Variants in DBF4 observed in about 807,000 individuals in gnomAD.
The protein encoded by DBF4 is protein DBF4 homolog A.
In DBF4, 25 loss-of-function variants were observed where a neutral mutation model predicts 76.6. The ratio of observed to expected loss-of-function variants is 0.33; its 90% CI spans 0.24 to 0.46. The LOEUF (loss-of-function observed/expected upper bound fraction) is 0.46, where lower values mean the gene tolerates loss of function less well. Among genes scored for constraint, DBF4 ranks in the 20% least tolerant of loss-of-function variants. DBF4 has a pLI of 1.00. For synonymous variants in DBF4, 213 were observed against 258.0 expected (o/e 0.83, Z 1.67); for missense variants, 638 against 760.8 (o/e 0.84, Z 1.90).
intron 7 of DBF4, 46 bp downstream of exon 7, chr7:87,896,556 A>T: frequency 6.5e-7 from 1 of 1,545,736 alleles, no homozygotes; most frequent in Non-Finnish European, 8.9e-7. Flanking sequence ...GCATTTGAAA[A>T]ATCATAAAAG....
chr7:87,877,459 C>T (rs985809949), intron 1 of DBF4, among the ~76,000 whole-genome samples: 8 of 152,154 alleles, frequency 5.3e-5, no homozygotes, highest in African/African-American at 1.9e-4. Context: ...AAAGCAGTTG[C>T]TTGGATCTCA....
chr7:87,876,629 A>G lies in DBF4; in HGVS notation c.-104A>G. ...CGTAGAGGCCGTAGCTGGCGGAAGG[A>G]GAGAGGCGGCCGTCCTGTCAACAGG... On this transcript the variant is annotated 5_prime_UTR_variant, in exon 1 of 12. Transcript: ENST00000265728. The G allele has an allele frequency of 7.7e-7, 1 of 1,300,366 alleles. No individual in the cohort carries two copies. The highest frequency in any genetic ancestry group is 1.1e-6 in the Non-Finnish European group (1 of 915,942). 80.6% of individuals were successfully genotyped at this position (1,300,366 alleles called of 1,614,324 possible).
chr7:87,902,768 G>T (rs917208465), intron 10 of DBF4, among the ~76,000 whole-genome samples: 1 of 152,030 alleles, frequency 6.6e-6, no homozygotes, highest in African/African-American at 2.4e-5. Context: ...TTATTACTGG[G>T]CATATATAAT....
rs1839403220 is a variant in DBF4, at chr7:87,888,057, G to A, written c.595G>A (p.Gly199Arg). ...GAAATCAAGTACTTCAGTAAGAGAT[G>A]GGGTATGTTTTCTTTTTCAATTTTT... ...LKKSSTSVRD[G>R]GKRVGSGAQK... Residue 199 changes from glycine (G) to arginine (R), a missense_variant and splice_region_variant, in exon 6 of 12, where the codon GGG (glycine) becomes AGG (arginine). By Grantham distance (125) the Gly-to-Arg change is moderately radical (BLOSUM62 -2). Transcript: ENST00000265728. 6.4e-7 allele frequency: 1 copy of A among 1,550,582 alleles called. No homozygotes were observed. The highest frequency in any genetic ancestry group is 8.7e-7 in the Non-Finnish European group (1 of 1,154,366).
intron 6 of DBF4, among the ~76,000 whole-genome samples, chr7:87,895,239 T>C (rs999057239): frequency 6.6e-6 from 1 of 152,198 alleles, no homozygotes; most frequent in Non-Finnish European, 1.5e-5. Context: ...TATTTGTAGT[T>C]TTTCTGCTGA....
At position 87,887,416 on chromosome 7, in the gene DBF4, G is replaced by A. The variant is rs893060877; in HGVS notation, c.520+18G>A. On this transcript the variant is annotated intron_variant, in intron 5 of 11. Transcript: ENST00000265728. ...TATTGATGGTAAGGATTTTATAATTGTTTTTTGACAGTATTTGTTTTAAGT... is the reference window on the plus strand; with the variant it reads ...TATTGATGGTAAGGATTTTATAATTATTTTTTGACAGTATTTGTTTTAAGT... The A allele has an allele frequency of 2.4e-5, 38 of 1,552,060 alleles. No homozygotes were observed. Among genetic ancestry groups the A allele is most frequent in the Non-Finnish European group, 3.3e-5 (38 of 1,142,660 alleles).
chr7:87,884,378 C>G (rs1032135603), intron 2 of DBF4, among the ~76,000 whole-genome samples: 1 of 152,144 alleles, frequency 6.6e-6, no homozygotes, highest in African/African-American at 2.4e-5. Context: ...ACAAAAAATT[C>G]AGTGGCTTAA....
At chr7:87,906,194 C>G (rs1226291634) in intron 11 of DBF4, among the ~76,000 whole-genome samples, 1 of 151,876 alleles carries the variant, frequency 6.6e-6, no homozygotes, top group Non-Finnish European at 1.5e-5. Context: ...GTGGGCTACT[C>G]TAAGAACTTA....
intron 11 of DBF4, among the ~76,000 whole-genome samples, chr7:87,906,238 C>A (rs1839911483): frequency 6.6e-6 from 1 of 151,770 alleles, no homozygotes; most frequent in Non-Finnish European, 1.5e-5. Flanking sequence ...CAGCAAAATT[C>A]TGAGCTAGTA....
Position 87,876,748 on chromosome 7 carries a change from A to C in DBF4, c.16A>C (p.Met6Leu), listed in dbSNP as rs1222753190. The part of the protein sequence containing the change: MNSGA[M>L]RIHSKGHFQG... ...GGCGACTGCCATGAACTCCGGAGCCATGAGGATCCACAGTAAAGGACATTT... is the reference window on the plus strand; with the variant it reads ...GGCGACTGCCATGAACTCCGGAGCCCTGAGGATCCACAGTAAAGGACATTT... Residue 6 changes from methionine to leucine, a missense_variant, in exon 1 of 12, where the codon ATG becomes CTG. Transcript: ENST00000265728. 6.2e-7 allele frequency: 1 copy of C among 1,614,168 alleles called. No homozygotes were observed. Among genetic ancestry groups the C allele is most frequent in the Non-Finnish European group, 8.5e-7 (1 of 1,180,020 alleles).
intron 6 of DBF4, among the ~76,000 whole-genome samples, chr7:87,890,674 C>T (rs1326491487): frequency 6.6e-6 from 1 of 152,084 alleles, no homozygotes; most frequent in Non-Finnish European, 1.5e-5. Flanking sequence ...GGTTTCAGTG[C>T]CTAGTCAGTG....
Position 87,907,681 on chromosome 7 carries a change from G to C in DBF4, c.1543G>C (p.Ala515Pro). ...KQKSDTVLFP[A>P]KDLKEKDLHS... ...GAAGTCAGATACTGTGCTTTTTCCAGCAAAGGATCTCAAGGAAAAGGACCT... is the reference window on the plus strand; with the variant it reads ...GAAGTCAGATACTGTGCTTTTTCCACCAAAGGATCTCAAGGAAAAGGACCT... Residue 515 changes from alanine (A) to proline (P), a missense_variant, in exon 12 of 12, where the codon GCA becomes CCA. By Grantham distance (27) the Ala-to-Pro change is conservative. Transcript: ENST00000265728. The C allele has an allele frequency of 6.2e-7, 1 of 1,613,994 alleles. No homozygotes were observed. Among genetic ancestry groups the C allele is most frequent in the African/African-American group, 1.3e-5 (1 of 75,028 alleles).
Position 87,904,343 on chromosome 7 carries a change from G to A in DBF4, c.976G>A (p.Val326Ile), listed in dbSNP as rs1156958003. 1 of 1,613,922 alleles carries A rather than the reference G, an allele frequency of 6.2e-7. No homozygotes were observed. Among genetic ancestry groups the A allele is most frequent in the South Asian group, 1.1e-5 (1 of 91,052 alleles). Residue 326 changes from valine to isoleucine, a missense_variant, in exon 11 of 12, where the codon GTT becomes ATT. By Grantham distance (29) the Val-to-Ile change is conservative. Transcript: ENST00000265728. Reference sequence around the variant, plus strand: ...CTTTGCACAGAGTAACCAGTATCAAGTTGTTGATGATATTGTATCTAAGTT... The same window carrying A: ...CTTTGCACAGAGTAACCAGTATCAAATTGTTGATGATATTGTATCTAAGTT... ...RNFAQSNQYQVVDDIVSKLVF... is the reference protein window; with the variant it reads ...RNFAQSNQYQIVDDIVSKLVF...
intron 10 of DBF4, among the ~76,000 whole-genome samples, chr7:87,903,621 C>G (rs1839843040): frequency 6.6e-6 from 1 of 151,240 alleles, no homozygotes; most frequent in Non-Finnish European, 1.5e-5. Flanking sequence ...GTGATAATTG[C>G]ATGAAGACAA....
In DBF4 at chr7:87,886,862, A is replaced by G. The variant is rs1392601060; in HGVS notation, c.418A>G (p.Lys140Glu). The G allele has an allele frequency of 1.3e-6, 2 of 1,569,824 alleles. No individual in the cohort carries two copies. Among genetic ancestry groups the G allele is most frequent in the Non-Finnish European group, 1.7e-6 (2 of 1,146,858 alleles). The change falls in exon 4 of 12, where the codon AAA (lysine) becomes GAA (glutamate). Residue 140 changes from lysine (K) to glutamate (E), a missense_variant. Physicochemically the swap from Lys to Glu is moderately conservative, Grantham distance 56 (BLOSUM62 1). Coordinates refer to ENST00000265728, the MANE Select transcript of DBF4 (RefSeq NM_006716.4). Reference sequence around the variant, plus strand: ...TTTATAGGTGTGTTTAAGCAGAGGAAAATTATTAGTTGAAAAAGCTATCAA... The same window carrying G: ...TTTATAGGTGTGTTTAAGCAGAGGAGAATTATTAGTTGAAAAAGCTATCAA... Reference protein sequence around the residue: ...SPDTVCLSRGKLLVEKAIKDH... With the variant: ...SPDTVCLSRGELLVEKAIKDH...
At chr7:87,904,105 T>A (rs145772070) in intron 10 of DBF4, among the ~76,000 whole-genome samples, 187 bp from the exon 11 acceptor site, 1 of 152,378 alleles carries the variant, frequency 6.6e-6, no homozygotes, top group East Asian at 1.9e-4. Context: ...TTTACTGGCT[T>A]CTCAAAAGTG....
chr7:87,904,225 T>TTAATTAAAAAGGCA (rs1459999909), intron 10 of DBF4, 67 bp from the exon 11 acceptor site: 1 of 1,495,360 alleles, frequency 6.7e-7, no homozygotes, highest in Admixed American at 2.4e-5. Context: ...TTAGAAAACC[T>TTAATTAAAAAGGCA]TAATTAAAAA....
At chr7:87,903,280 G>T (rs544794263) in intron 10 of DBF4, among the ~76,000 whole-genome samples, 1 of 152,206 alleles carries the variant, frequency 6.6e-6, no homozygotes, top group African/African-American at 2.4e-5. Context: ...GGATTTCACC[G>T]TGTTGGCCAG....
rs76657835 is a variant in DBF4 at position 87,900,466 on chromosome 7, T to G, written c.809+117T>G. On this transcript the variant is annotated intron_variant, in intron 9 of 11. Coordinates refer to ENST00000265728, the MANE Select transcript of DBF4 (RefSeq NM_006716.4). ...AATGGTTATTTGTGTTTGTAATTAC[T>G]ATTCTGATTACTTTTATAAGTCTGA... 7.6e-6 allele frequency: 9 copies of G among 1,188,742 alleles called. No individual in the cohort carries two copies. The Admixed American group carries it at 2.7e-4, about 36-fold the overall frequency. 73.6% of individuals were successfully genotyped at this position (1,188,742 alleles called of 1,614,324 possible). A position where few individuals can be genotyped will look rare whatever the true frequency, so the allele number is the denominator to read the frequency against.
Sources: allele counts gnomAD v4.1 joint callset (sites outside exome capture counted in the v4.1 genomes callset), GRCh38; gene constraint gnomAD v4.1.1; transcripts MANE v1.5; gene names NCBI Gene and HGNC (gene_info 2026-07-23, HGNC 2026-07-21).